ABI3BP: variants seen among roughly 807,000 people sequenced by gnomAD.
ABI3BP encodes the protein ABI family member 3 binding protein.
A neutral mutation model predicts 268.6 loss-of-function variants in ABI3BP; 216 were observed. The observed-to-expected ratio is 0.80, with a 90% CI of 0.72 to 0.90. ABI3BP has a LOEUF of 0.90. Among genes scored for constraint, ABI3BP ranks in the 40% least tolerant of loss-of-function variants. The pLI is 0.00. For synonymous variants in ABI3BP, 730 were observed against 730.0 expected, an observed-to-expected ratio of 1.00 and a Z score of 0.00; for missense variants, 2,090 against 2,182.4, an observed-to-expected ratio of 0.96 and a Z score of 0.84.
chr3:100,757,383 T>C (rs1235448814), intron 63 of ABI3BP, among the ~76,000 whole-genome samples: 2 of 152,126 alleles, frequency 1.3e-5, no homozygotes, highest in Non-Finnish European at 2.9e-5. Flanking sequence ...AGACAAGTCC[T>C]CAAAACTGAG....
chr3:100,788,068 G>A (rs1220549025), intron 56 of ABI3BP, among the ~76,000 whole-genome samples: 1 of 152,094 alleles, frequency 6.6e-6, no homozygotes, highest in Non-Finnish European at 1.5e-5. Flanking sequence ...TTTATAATCC[G>A]AAGTGGGAAA....
intron 27 of ABI3BP, among the ~76,000 whole-genome samples, chr3:100,836,910 C>T (rs961170011): frequency 4.6e-5 from 7 of 152,008 alleles, no homozygotes; most frequent in African/African-American, 1.2e-4. Flanking sequence ...TGAATGTGAT[C>T]GAAGAAAGAA....
chr3:100,762,135 G>T (rs1403187163), intron 63 of ABI3BP, among the ~76,000 whole-genome samples: 1 of 152,078 alleles, frequency 6.6e-6, no homozygotes, highest in Non-Finnish European at 1.5e-5. Flanking sequence ...GAGCCATGTG[G>T]TGGCTGCATC....
At chr3:100,857,232 T>C (rs923053046) in intron 14 of ABI3BP, among the ~76,000 whole-genome samples, 25 of 152,198 alleles carry the variant, frequency 1.6e-4, no homozygotes, top group African/African-American at 2.4e-5. Context: ...TTATTGATTA[T>C]ATGTAGCAAT....
intron 14 of ABI3BP, among the ~76,000 whole-genome samples, chr3:100,859,217 T>C (rs1009369075): frequency 6.6e-6 from 1 of 151,998 alleles, no homozygotes; most frequent in African/African-American, 2.4e-5. Context: ...GGAATTGATA[T>C]AGTAAATATA....
intron 56 of ABI3BP, among the ~76,000 whole-genome samples, chr3:100,788,885 T>A (rs16842839): frequency 6.6e-6 from 1 of 152,102 alleles, no homozygotes; most frequent in Non-Finnish European, 1.5e-5. Flanking sequence ...TAAGAGTGAT[T>A]TACATGAACT....
In ABI3BP at chr3:100,810,465, A is replaced by G; in HGVS notation, c.3554T>C (p.Leu1185Pro). The G allele has an allele frequency of 6.5e-7, 1 of 1,534,978 alleles. No homozygotes were observed. The highest frequency in any genetic ancestry group is 8.7e-7 in the Non-Finnish European group (1 of 1,146,068). Residue 1185 changes from leucine to proline, a missense_variant, in exon 49 of 68, where the codon CTG (leucine) becomes CCG (proline). By Grantham distance (98) the Leu-to-Pro change is moderately conservative. Coordinates refer to ENST00000471714, the MANE Select transcript of ABI3BP (RefSeq NM_001375547.2). ...GGGTAGGGTTATAGATTGAGAAGGC[A>G]GAGGCGACGTTTCTATGGTAATTGA... Reference protein sequence around the residue: ...PPETTLETSPLPSQSITLPSP... With the variant: ...PPETTLETSPPPSQSITLPSP...
At chr3:100,911,635 T>C in intron 2 of ABI3BP, 1 of 710,786 alleles carries the variant, frequency 1.4e-6, no homozygotes, top group Non-Finnish European at 2.6e-6. Flanking sequence ...CCAGTGGATG[T>C]AGAGGAACCT....
At chr3:100,927,947 CT>C (rs200729558) in intron 1 of ABI3BP, among the ~76,000 whole-genome samples, 3,710 of 138,720 alleles carry the variant, frequency 0.027, 96 homozygotes, top group African/African-American at 0.085. Flanking sequence ...TTTTTTGTGT[CT>C]TTTTTTTTTT....
In ABI3BP at chr3:100,749,526, GT is replaced by G. The variant is rs542985602; in HGVS notation, c.*968del. 1.1e-3 allele frequency: 432 copies of G among 382,792 alleles called. 1 individual carries two copies. The highest frequency in any genetic ancestry group is 0.01 in the African/African-American group (409 of 40,440). The allele number at this position is 382,792 out of a possible 1,614,324, so 23.7% of individuals were successfully genotyped here. A position where few individuals can be genotyped will look rare whatever the true frequency, so the allele number is the denominator to read the frequency against. Reference sequence around the variant, plus strand: ...ATACCTTTTTAATAGAAATAAATGAGTTAGTTAGTTAGATTTTTATTACAGA... The same window carrying G: ...ATACCTTTTTAATAGAAATAAATGAGTAGTTAGTTAGATTTTTATTACAGA... On this transcript the variant is annotated 3_prime_UTR_variant, in exon 68 of 68. Coordinates refer to ENST00000471714, the MANE Select transcript of ABI3BP (RefSeq NM_001375547.2).
At position 100,982,757 on chromosome 3, in the gene ABI3BP, T is replaced by C. The variant is rs541566291; in HGVS notation, c.79+10549A>G. 2.6e-5 allele frequency among the ~76,000 whole-genome samples: 4 copies of C among 152,090 alleles called. No individual in the cohort carries two copies. In the South Asian group the frequency reaches 8.3e-4, roughly 32 times the overall value. On this transcript the variant is annotated intron_variant, in intron 1 of 67. Transcript: ENST00000471714. ...GTGACAGCAGGATCATTAGGGGAGT[T>C]TGGAGAGGATGGGCCTGGAGAGGAA...
At chr3:100,822,708 C>A (rs543241930) in intron 37 of ABI3BP, 36 bp from the exon 38 acceptor site, 12 of 1,505,560 alleles carry the variant, frequency 8.0e-6, no homozygotes, top group African/African-American at 5.5e-5. Flanking sequence ...AACATAACTG[C>A]ATTATCTATG....
chr3:100,806,230 G>A (rs184058659), intron 50 of ABI3BP, among the ~76,000 whole-genome samples: 114 of 152,134 alleles, frequency 7.5e-4, no homozygotes, highest in African/African-American at 2.5e-3. Flanking sequence ...GAAAGGTGGT[G>A]GATGAACAAA....
intron 62 of ABI3BP, among the ~76,000 whole-genome samples, chr3:100,767,095 G>A (rs191388394): frequency 1.3e-5 from 2 of 151,952 alleles, no homozygotes; most frequent in East Asian, 3.9e-4. Context: ...CCCGAGTAGC[G>A]CACCACCACA....
chr3:100,814,264 T>C (rs2097947443), intron 44 of ABI3BP, among the ~76,000 whole-genome samples: 1 of 152,152 alleles, frequency 6.6e-6, no homozygotes, highest in Admixed American at 6.6e-5. Context: ...TGGACTATTG[T>C]ATCTGAATCT....
At chr3:100,900,095 T>C (rs1245939589) in intron 3 of ABI3BP, among the ~76,000 whole-genome samples, 4 of 152,242 alleles carry the variant, frequency 2.6e-5, no homozygotes, top group Non-Finnish European at 4.4e-5. Context: ...TATAGGATAG[T>C]TGACTTTTAA....
chr3:100,978,370 T>C (rs2087387588), intron 1 of ABI3BP, among the ~76,000 whole-genome samples: 1 of 152,192 alleles, frequency 6.6e-6, no homozygotes, highest in African/African-American at 2.4e-5. Context: ...AAACTGTCCA[T>C]ACTTTATTGT....
intron 1 of ABI3BP, among the ~76,000 whole-genome samples, chr3:100,980,779 C>G (rs1460976353): frequency 1.3e-5 from 2 of 152,168 alleles, no homozygotes; most frequent in Admixed American, 1.3e-4. Context: ...CTTGGGCACA[C>G]TTTACACAGA....
intron 58 of ABI3BP, 61 bp from the exon 59 acceptor site, chr3:100,778,437 A>G (rs1577351792): frequency 6.9e-7 from 1 of 1,452,226 alleles, no homozygotes; most frequent in East Asian, 2.3e-5. Flanking sequence ...TCATTATCGA[A>G]AAAAACAGGG....
Sources: gnomAD v4.1 joint callset for allele counts (sites outside exome capture counted in the v4.1 genomes callset) on GRCh38, gnomAD v4.1.1 for gene constraint, MANE v1.5 for transcripts, NCBI Gene and HGNC (gene_info 2026-07-23, HGNC 2026-07-21) for gene names.